Variants in GPHN observed in about 807,000 individuals in gnomAD.
GPHN encodes the protein gephyrin.
GPHN carries 17 observed loss-of-function variants against 95.5 expected under a neutral mutation model. That is an observed-to-expected ratio of 0.18 (90% CI 0.12 to 0.27). The LOEUF is 0.27. GPHN is among the 10% of genes least tolerant of loss of function. GPHN has a pLI of 1.00. For synonymous variants in GPHN, 320 were observed against 322.5 expected (o/e 0.99, Z 0.08); for missense variants, 660 against 978.1 (o/e 0.67, Z 4.34).
the GPHN span, chr14:67,559,699 G>A: frequency 6.3e-7 from 1 of 1,587,376 alleles, no homozygotes; most frequent in Non-Finnish European, 8.6e-7. Context: ...AAGGTGGGTT[G>A]GAAACTCATC....
chr14:67,306,149 T>C, the GPHN span, among the ~76,000 whole-genome samples: 11 of 152,254 alleles, frequency 7.2e-5, no homozygotes, highest in South Asian at 2.3e-3. Context: ...TTTGTATTTT[T>C]AGCAGAGATG....
At chr14:66,811,213 T>C (rs1178155906) in intron 3 of GPHN, among the ~76,000 whole-genome samples, 1 of 152,060 alleles carries the variant, frequency 6.6e-6, no homozygotes, top group Non-Finnish European at 1.5e-5. Flanking sequence ...ACTTGGGCAA[T>C]GAGATCATTA....
intron 2 of GPHN, among the ~76,000 whole-genome samples, chr14:66,733,382 T>C (rs964166241): frequency 1.2e-4 from 18 of 152,018 alleles, no homozygotes; most frequent in Admixed American, 3.3e-4. Context: ...TACAGACACC[T>C]AGCATTTCTT....
chr14:67,350,787 G>T, the GPHN span: 1 of 1,158,280 alleles, frequency 8.6e-7, no homozygotes, highest in Non-Finnish European at 1.2e-6. Flanking sequence ...AGTATTTTAT[G>T]CTGGCTGTGC....
At chr14:66,642,942 TTAA>T (rs34960751) in intron 1 of GPHN, among the ~76,000 whole-genome samples, 46,914 of 151,546 alleles carry the variant, frequency 0.31, 11,058 homozygotes, top group African/African-American at 0.63. Context: ...GAAAGATTTC[TTAA>T]TAATAGGAAA....
At chr14:67,277,221 A>G in the GPHN span, among the ~76,000 whole-genome samples, 2 of 152,316 alleles carry the variant, frequency 1.3e-5, no homozygotes, top group East Asian at 3.8e-4. Flanking sequence ...AAGGCAGTCT[A>G]ATGGTAAATA....
chr14:66,526,740 G>T (rs1488196257), intron 1 of GPHN, among the ~76,000 whole-genome samples: 1 of 152,168 alleles, frequency 6.6e-6, no homozygotes, highest in African/African-American at 2.4e-5. Context: ...TAATCATGTG[G>T]TTTTTGTCAT....
At chr14:67,662,670 C>T in the GPHN span, 1 of 794,998 alleles carries the variant, frequency 1.3e-6, no homozygotes, top group Non-Finnish European at 1.9e-6. Flanking sequence ...CTTTGGGAGG[C>T]CAAGGCAGGT....
the GPHN span, among the ~76,000 whole-genome samples, chr14:67,376,145 T>C: frequency 1.5e-5 from 2 of 137,626 alleles, no homozygotes; most frequent in Non-Finnish European, 3.0e-5. Flanking sequence ...GGTTTCTATA[T>C]ATTTGATCTA....
the GPHN span, chr14:67,557,207 C>A: frequency 2.1e-6 from 3 of 1,449,674 alleles, no homozygotes; most frequent in African/African-American, 1.4e-5. Context: ...TCCCACGTTA[C>A]TGGCCACTGC....
chr14:66,804,282 T>C (rs1386350473), intron 3 of GPHN, among the ~76,000 whole-genome samples: 1 of 152,180 alleles, frequency 6.6e-6, no homozygotes, highest in East Asian at 1.9e-4. Flanking sequence ...CTAATATTCA[T>C]AGGCTGCAGC....
chr14:67,705,767 T>C, the GPHN span, among the ~76,000 whole-genome samples: 1 of 152,174 alleles, frequency 6.6e-6, no homozygotes, highest in Non-Finnish European at 1.5e-5. Flanking sequence ...TATTTCAAAA[T>C]AAGATGTTTT....
At chr14:67,457,098 A>G in the GPHN span, among the ~76,000 whole-genome samples, 1 of 152,196 alleles carries the variant, frequency 6.6e-6, no homozygotes. Context: ...GGACATAAAG[A>G]AGGGAACAAT....
chr14:67,323,419 A>G, the GPHN span, among the ~76,000 whole-genome samples: 1 of 151,644 alleles, frequency 6.6e-6, no homozygotes, highest in Non-Finnish European at 1.5e-5. Flanking sequence ...GTTCAAGACC[A>G]GCCTGGACAA....
chr14:67,542,775 G>T, the GPHN span, among the ~76,000 whole-genome samples: 5 of 151,954 alleles, frequency 3.3e-5, no homozygotes, highest in Non-Finnish European at 7.4e-5. Context: ...ATCGCAGCTC[G>T]CCACAATCTC....
At chr14:66,815,747 A>T (rs2060938461) in intron 3 of GPHN, among the ~76,000 whole-genome samples, 1 of 152,150 alleles carries the variant, frequency 6.6e-6, no homozygotes, top group African/African-American at 2.4e-5. Flanking sequence ...GAAAGCAACC[A>T]CATATGTCTG....
the GPHN span, chr14:67,695,791 A>C: frequency 7.9e-7 from 1 of 1,261,574 alleles, no homozygotes; most frequent in South Asian, 1.3e-5. Flanking sequence ...CCCAATTCAA[A>C]TTGCGACAGC....
chr14:66,534,344 C>T (rs531595163), intron 1 of GPHN, among the ~76,000 whole-genome samples: 38 of 152,224 alleles, frequency 2.5e-4, no homozygotes, highest in African/African-American at 8.7e-4. Flanking sequence ...TTTTTATTAT[C>T]ATAGATTAGT....
the GPHN span, among the ~76,000 whole-genome samples, chr14:67,280,921 G>A: frequency 1.4e-5 from 2 of 139,858 alleles, no homozygotes; most frequent in Non-Finnish European, 1.5e-5. Context: ...TTTTGAGGTG[G>A]AGTCTTGCTC....
Sources: gnomAD v4.1 joint callset for allele counts (sites outside exome capture counted in the v4.1 genomes callset) on GRCh38, gnomAD v4.1.1 for gene constraint, MANE v1.5 for transcripts, NCBI Gene and HGNC (gene_info 2026-07-23, HGNC 2026-07-21) for gene names.